Variants in DLC1 observed in about 807,000 individuals in gnomAD.
DLC1 encodes rho GTPase-activating protein 7.
In DLC1, 54 loss-of-function variants were observed where a neutral mutation model predicts 140.3. That is an observed-to-expected ratio of 0.38 (90% CI 0.31 to 0.48). The LOEUF (loss-of-function observed/expected upper bound fraction) is 0.48. DLC1 is among the 20% of genes least tolerant of loss of function. The pLI is 0.96. For synonymous variants in DLC1, 986 were observed against 728.1 expected, an observed-to-expected ratio of 1.35 and a Z score of -5.70; for missense variants, 2,536 against 1,907.0, an observed-to-expected ratio of 1.33 and a Z score of -6.14.
chr8:13,191,235 A>AGTG (rs1172646351), intron 5 of DLC1, among the ~76,000 whole-genome samples: 7 of 152,202 alleles, frequency 4.6e-5, no homozygotes, highest in African/African-American at 1.7e-4. Flanking sequence ...GGCCAGGCAC[A>AGTG]GTGGCTCATG....
chr8:13,173,254 C>A (rs1310852035), intron 5 of DLC1, among the ~76,000 whole-genome samples: 1 of 151,800 alleles, frequency 6.6e-6, no homozygotes. Context: ...TCAGAGCTCG[C>A]GTGGGGTGGG....
intron 5 of DLC1, among the ~76,000 whole-genome samples, chr8:13,175,504 C>T (rs998743290): frequency 1.1e-4 from 17 of 151,896 alleles, no homozygotes; most frequent in African/African-American, 3.4e-4. Flanking sequence ...AACTTTTAAC[C>T]GTCTGTCTGT....
rs567336034 is a variant in DLC1 at position 13,268,175 on chromosome 8, T to C, written c.1348+37094A>G. Among the ~76,000 whole-genome samples, 3 of 152,346 alleles carry C rather than the reference T, an allele frequency of 2.0e-5. No homozygotes were observed. The South Asian group carries it at 6.2e-4, about 32-fold the overall frequency. ...AGTGGCATATTTTAGGCTTTAGTAC[T>C]TTTAAACTTTGAAAACAAGTCAGTA... On this transcript the variant is annotated intron_variant, in intron 5 of 17. Coordinates refer to ENST00000276297, the MANE Select transcript of DLC1 (RefSeq NM_182643.3).
At chr8:13,581,385 G>T (rs563529968) in intron 1 of DLC1, among the ~76,000 whole-genome samples, 28 of 152,266 alleles carry the variant, frequency 1.8e-4, no homozygotes, top group African/African-American at 6.7e-4. Flanking sequence ...CCCCAGTCCT[G>T]TCTCTGTTCC....
intron 5 of DLC1, among the ~76,000 whole-genome samples, chr8:13,270,742 T>A (rs1156696193): frequency 6.6e-6 from 1 of 152,182 alleles, no homozygotes; most frequent in African/African-American, 2.4e-5. Context: ...TCTTTTCTTT[T>A]TTTTTGGACT....
intron 1 of DLC1, among the ~76,000 whole-genome samples, chr8:13,548,869 T>C (rs542673930): frequency 6.6e-6 from 1 of 152,202 alleles, no homozygotes; most frequent in South Asian, 2.1e-4. Flanking sequence ...ATTTCTCTTT[T>C]TAGAAAATAC....
chr8:13,392,528 G>A (rs1051823429), intron 4 of DLC1, among the ~76,000 whole-genome samples: 1 of 152,004 alleles, frequency 6.6e-6, no homozygotes, highest in African/African-American at 2.4e-5. Context: ...TTTTAGACTT[G>A]ACTTTTATTT....
chr8:13,143,508 T>A (rs1823174310), intron 5 of DLC1, among the ~76,000 whole-genome samples: 2 of 152,266 alleles, frequency 1.3e-5, no homozygotes, highest in South Asian at 4.2e-4. Flanking sequence ...TAAGCTGAAG[T>A]GCAAAGGTGT....
chr8:13,237,759 T>C (rs932579689), intron 5 of DLC1, among the ~76,000 whole-genome samples: 7 of 152,170 alleles, frequency 4.6e-5, no homozygotes, highest in African/African-American at 9.7e-5. Flanking sequence ...GGTTTTCTAG[T>C]ATGCTGCTGG....
chr8:13,350,224 C>T (rs73663597), intron 4 of DLC1, among the ~76,000 whole-genome samples: 1 of 152,098 alleles, frequency 6.6e-6, no homozygotes, highest in South Asian at 2.1e-4. Context: ...CACTTTTAAA[C>T]ATACCCTAAC....
At chr8:13,198,180 G>A (rs755335042) in intron 5 of DLC1, among the ~76,000 whole-genome samples, 12 of 152,156 alleles carry the variant, frequency 7.9e-5, no homozygotes, top group Non-Finnish European at 1.5e-4. Flanking sequence ...AGAAAGTGAC[G>A]ATCACAAGTG....
intron 1 of DLC1, among the ~76,000 whole-genome samples, chr8:13,569,614 C>T (rs1804576015): frequency 6.6e-6 from 1 of 152,140 alleles, no homozygotes; most frequent in South Asian, 2.1e-4. Context: ...ATCTTTTGTT[C>T]TTCCTTTTTA....
At chr8:13,268,375 C>G (rs1360667602) in intron 5 of DLC1, among the ~76,000 whole-genome samples, 1 of 152,016 alleles carries the variant, frequency 6.6e-6, no homozygotes, top group Non-Finnish European at 1.5e-5. Context: ...AGTGCAGTGG[C>G]GCGATCTCGG....
chr8:13,425,202 A>G (rs1411590433), intron 2 of DLC1, among the ~76,000 whole-genome samples: 1 of 152,180 alleles, frequency 6.6e-6, no homozygotes, highest in East Asian at 1.9e-4. Flanking sequence ...GTTTCCCACA[A>G]ACTCTTCGGC....
chr8:13,373,320 CCTT>C (rs1835812689), intron 4 of DLC1, among the ~76,000 whole-genome samples: 1 of 152,022 alleles, frequency 6.6e-6, no homozygotes, highest in African/African-American at 2.4e-5. Flanking sequence ...ATGATAAAAG[CCTT>C]CTTCATCTTT....
intron 3 of DLC1, among the ~76,000 whole-genome samples, chr8:13,400,041 G>A (rs556196222): frequency 6.6e-6 from 1 of 152,152 alleles, no homozygotes; most frequent in Non-Finnish European, 1.5e-5. Flanking sequence ...TTATCAGAAG[G>A]AGTGGAAAGT....
At chr8:13,365,069 C>T (rs1332851390) in intron 4 of DLC1, among the ~76,000 whole-genome samples, 1 of 152,194 alleles carries the variant, frequency 6.6e-6, no homozygotes, top group African/African-American at 2.4e-5. Flanking sequence ...ACTTCATTTA[C>T]ATTTAATCCA....
At chr8:13,152,332 C>A in intron 5 of DLC1, among the ~76,000 whole-genome samples, 1 of 152,216 alleles carries the variant, frequency 6.6e-6, no homozygotes, top group East Asian at 1.9e-4. Flanking sequence ...TTTTGGTTCA[C>A]CTGCAAAGAT....
chr8:13,587,150 C>G (rs541383670), intron 1 of DLC1, among the ~76,000 whole-genome samples: 1 of 150,470 alleles, frequency 6.6e-6, no homozygotes, highest in East Asian at 2.0e-4. Flanking sequence ...ATATACACCA[C>G]AAGCCTGTAC....
Sources: allele counts gnomAD v4.1 joint callset (sites outside exome capture counted in the v4.1 genomes callset), GRCh38; gene constraint gnomAD v4.1.1; transcripts MANE v1.5; gene names NCBI Gene and HGNC (gene_info 2026-07-23, HGNC 2026-07-21).